TCF20: variants seen among roughly 807,000 people sequenced by gnomAD.
TCF20 encodes the protein SPRE-binding protein.
Under a neutral mutation model 148.6 loss-of-function variants are expected in TCF20, and 3 were observed. The observed-to-expected ratio is 0.02, with a 90% CI of 0.01 to 0.05. The LOEUF (loss-of-function observed/expected upper bound fraction) is 0.05, where lower values mean the gene tolerates loss of function less well. Ranked by LOEUF, TCF20 falls within the 10% of genes least tolerant of loss-of-function variation. TCF20 has a pLI of 1.00. For missense variants in TCF20, 2,350 were observed against 2,429.3 expected, an observed-to-expected ratio of 0.97 and a Z score of 0.69; for synonymous variants, 1,049 against 909.5, an observed-to-expected ratio of 1.15 and a Z score of -2.76.
chr22:42,202,488 T>C (rs1204767404), intron 2 of TCF20, among the ~76,000 whole-genome samples: 3 of 152,210 alleles, frequency 2.0e-5, no homozygotes, highest in East Asian at 1.9e-4. Flanking sequence ...CTGGAATTCA[T>C]ATGAAGCAGT....
At chr22:42,246,990 G>A (rs1601656345) in intron 1 of TCF20, among the ~76,000 whole-genome samples, 5 of 144,136 alleles carry the variant, frequency 3.5e-5, no homozygotes, top group African/African-American at 5.1e-5. Flanking sequence ...AAAAAAAAAA[G>A]GAAAAAAGAA....
chr22:42,315,580 C>A lies in TCF20; in HGVS notation c.-37+27899G>T, dbSNP rs151227474. 2.3e-3 allele frequency among the ~76,000 whole-genome samples: 356 copies of A among 152,334 alleles called. 1 individual carries two copies. Among genetic ancestry groups the A allele is most frequent in the African/African-American group, 8.2e-3 (341 of 41,576 alleles). The stretch of plus-strand genomic sequence containing the variant: ...AGTCCTGGGCTGGCCATGGGGCCAA[C>A]ACTGAGTGAGACTTCCTCACTGAAG... On this transcript the variant is annotated intron_variant, in intron 1 of 1. Coordinates refer to the TCF20 transcript ENST00000515426.
chr22:42,192,436 C>T (rs544142564), intron 2 of TCF20, among the ~76,000 whole-genome samples: 292 of 152,282 alleles, frequency 1.9e-3, no homozygotes, highest in Non-Finnish European at 2.8e-3. Flanking sequence ...ATCTCACCAA[C>T]GCTCTCGCCT....
At chr22:42,184,976 T>C (rs35234745) in intron 2 of TCF20, among the ~76,000 whole-genome samples, 4,872 of 152,338 alleles carry the variant, frequency 0.032, 107 homozygotes, top group Non-Finnish European at 0.05. Context: ...GGTAGCAAAC[T>C]GCAAGGACTG....
At chr22:42,268,226 A>AT (rs1926399368) in intron 1 of TCF20, among the ~76,000 whole-genome samples, 1 of 152,352 alleles carries the variant, frequency 6.6e-6, no homozygotes, top group African/African-American at 2.4e-5. Context: ...AGAAAGACAT[A>AT]TTGTAACATA....
At chr22:42,296,804 G>A (rs1927245775) in intron 1 of TCF20, among the ~76,000 whole-genome samples, 1 of 152,250 alleles carries the variant, frequency 6.6e-6, no homozygotes, top group South Asian at 2.1e-4. Flanking sequence ...GGGGACCCAG[G>A]AGGCCCCGTC....
At chr22:42,267,182 G>A (rs1222946109) in intron 1 of TCF20, among the ~76,000 whole-genome samples, 5 of 152,036 alleles carry the variant, frequency 3.3e-5, no homozygotes, top group Admixed American at 1.3e-4. Flanking sequence ...CAGGAGACTC[G>A]CTTGAACCCT....
intron 1 of TCF20, among the ~76,000 whole-genome samples, chr22:42,301,864 C>T (rs1191039991): frequency 6.6e-6 from 1 of 152,234 alleles, no homozygotes. Context: ...AGTGCACAGC[C>T]GCTTGGCTGG....
At chr22:42,335,734 G>C (rs760564768) in intron 1 of TCF20, among the ~76,000 whole-genome samples, 6 of 152,158 alleles carry the variant, frequency 3.9e-5, no homozygotes, top group Non-Finnish European at 7.4e-5. Flanking sequence ...TTCTGAGTGC[G>C]GCAGAAGCAC....
chr22:42,322,475 T>A (rs6002688), intron 1 of TCF20, among the ~76,000 whole-genome samples: 9,615 of 151,712 alleles, frequency 0.063, 500 homozygotes, highest in South Asian at 0.16. Flanking sequence ...AGATCCATGG[T>A]CTCCCTGGGG....
At chr22:42,321,878 C>T (rs2157298) in intron 1 of TCF20, among the ~76,000 whole-genome samples, 64,964 of 150,546 alleles carry the variant, frequency 0.43, 14,968 homozygotes, top group East Asian at 0.58. Context: ...ACCCAGGAGG[C>T]GGAGGTTGCA....
At chr22:42,221,598 G>A (rs1007512556) in intron 1 of TCF20, among the ~76,000 whole-genome samples, 1 of 152,122 alleles carries the variant, frequency 6.6e-6, no homozygotes, top group Non-Finnish European at 1.5e-5. Flanking sequence ...CAGACAAAAT[G>A]TATAGCCAAG....
intron 1 of TCF20, among the ~76,000 whole-genome samples, chr22:42,216,241 C>CACT (rs775765371): frequency 4.6e-5 from 7 of 151,864 alleles, no homozygotes; most frequent in Non-Finnish European, 8.8e-5. Context: ...AGGCATAAGC[C>CACT]ACTACTTTCA....
intron 1 of TCF20, among the ~76,000 whole-genome samples, chr22:42,333,937 G>A (rs1428098956): frequency 6.6e-6 from 1 of 152,248 alleles, no homozygotes; most frequent in Non-Finnish European, 1.5e-5. Context: ...CCAACGGGTG[G>A]CCCCTGCCTG....
At position 42,292,579 on chromosome 22, in the gene TCF20, G is replaced by A. The variant is rs1489715068; in HGVS notation, c.-37+50900C>T. Among the ~76,000 whole-genome samples the A allele has an allele frequency of 6.6e-6, 1 of 152,180 alleles. No individual in the cohort carries two copies. The highest frequency in any genetic ancestry group is 1.9e-4 in the East Asian group (1 of 5,188). ...AACCAAGGTAGGTTGTGAGATGCCA[G>A]AAGAGTGGGCAGCACGGTGGCCTGG... On this transcript the variant is annotated intron_variant, in intron 1 of 1. Transcript: ENST00000515426. The surrounding 1 kb of genome is among the most constrained non-coding windows in gnomAD (Gnocchi z 4.9).
At chr22:42,329,460 G>A (rs1434172896) in intron 1 of TCF20, among the ~76,000 whole-genome samples, 1 of 152,252 alleles carries the variant, frequency 6.6e-6, no homozygotes, top group Non-Finnish European at 1.5e-5. Context: ...AAGTAAGGAG[G>A]GCGAGCAGGC....
chr22:42,171,749 C>T (rs1053680014), intron 3 of TCF20, among the ~76,000 whole-genome samples: 1 of 152,202 alleles, frequency 6.6e-6, no homozygotes, highest in Admixed American at 6.5e-5. Flanking sequence ...CTCTTCTTAC[C>T]TGGGCTCTGG....
intron 1 of TCF20, among the ~76,000 whole-genome samples, chr22:42,246,782 A>G (rs899824267): frequency 1.3e-5 from 2 of 151,962 alleles, no homozygotes; most frequent in Admixed American, 1.3e-4. Context: ...CCTGGCCAAC[A>G]TGGTGAAACG....
At chr22:42,312,397 G>A (rs1206245882) in intron 1 of TCF20, among the ~76,000 whole-genome samples, 1 of 152,178 alleles carries the variant, frequency 6.6e-6, no homozygotes, top group Non-Finnish European at 1.5e-5. Context: ...TTCCCTGGCT[G>A]GACTTGACCT....
Sources: allele counts gnomAD v4.1 joint callset (sites outside exome capture counted in the v4.1 genomes callset), GRCh38; gene constraint gnomAD v4.1.1; non-coding constraint Gnocchi (gnomAD v3.1); transcripts MANE v1.5; gene names NCBI Gene and HGNC (gene_info 2026-07-23, HGNC 2026-07-21).